Variants in SLC9A9 observed in about 807,000 individuals in gnomAD.
SLC9A9 encodes solute carrier family 9 member A9, also known as sodium/hydrogen exchanger 9.
A neutral mutation model predicts 77.8 loss-of-function variants in SLC9A9; 62 were observed. The ratio of observed to expected loss-of-function variants is 0.80; its 90% CI spans 0.65 to 0.98. SLC9A9 has a LOEUF of 0.98. Ranked by LOEUF, SLC9A9 falls within the 50% of genes least tolerant of loss-of-function variation. SLC9A9 has a pLI of 0.00. For synonymous variants in SLC9A9, 320 were observed against 283.5 expected (o/e 1.13, Z -1.29); for missense variants, 775 against 774.9 (o/e 1.00, Z 0.00).
chr3:143,465,312 G>A (rs1355331585), intron 12 of SLC9A9, among the ~76,000 whole-genome samples: 1 of 152,174 alleles, frequency 6.6e-6, no homozygotes, highest in Admixed American at 6.5e-5. Flanking sequence ...CCTGTTTAAA[G>A]CCCCACTATA....
chr3:143,276,373 G>T (rs1938049523), intron 14 of SLC9A9, among the ~76,000 whole-genome samples: 1 of 152,156 alleles, frequency 6.6e-6, no homozygotes, highest in South Asian at 2.1e-4. Flanking sequence ...TTGGTGGTTT[G>T]TCTCTGCCCA....
intron 8 of SLC9A9, among the ~76,000 whole-genome samples, chr3:143,568,497 G>T (rs777677646): frequency 9.2e-5 from 14 of 152,032 alleles, no homozygotes; most frequent in Non-Finnish European, 2.1e-4. Flanking sequence ...CTTAATAATT[G>T]GGAAAATAAG....
intron 12 of SLC9A9, among the ~76,000 whole-genome samples, chr3:143,395,413 G>A (rs2033701543): frequency 6.6e-6 from 1 of 152,156 alleles, no homozygotes; most frequent in Non-Finnish European, 1.5e-5. Context: ...AACTGAAACT[G>A]GATCCCTTCC....
At position 143,495,415 on chromosome 3, in the gene SLC9A9, C is replaced by T. The variant is rs150315013; in HGVS notation, c.1123G>A (p.Val375Ile). 2.1e-5 allele frequency: 34 copies of T among 1,613,892 alleles called. No individual in the cohort carries two copies. Among genetic ancestry groups the T allele is most frequent in the African/African-American group, 1.1e-4 (8 of 74,924 alleles). The change falls in exon 10 of 16, where the codon GTC becomes ATC. Residue 375 changes from valine (V) to isoleucine (I), a missense_variant. Val to Ile is a conservative substitution (Grantham distance 29, BLOSUM62 3). Coordinates refer to ENST00000316549, the MANE Select transcript of SLC9A9 (RefSeq NM_173653.4). ...FEFMNFLAEN[V>I]IFCYMGLALF... ...GCCAGGCCCATGTAACAGAAGATGACGTTCTCCGCCAAAAAGTTCATAAAT... is the reference window on the plus strand; with the variant it reads ...GCCAGGCCCATGTAACAGAAGATGATGTTCTCCGCCAAAAAGTTCATAAAT...
At chr3:143,810,820 A>G (rs2108871626) in intron 2 of SLC9A9, among the ~76,000 whole-genome samples, 2 of 152,340 alleles carry the variant, frequency 1.3e-5, no homozygotes, top group South Asian at 4.1e-4. Context: ...ACTTGAAGAT[A>G]TATTATAGAG....
intron 4 of SLC9A9, among the ~76,000 whole-genome samples, chr3:143,738,018 T>C (rs1934986456): frequency 6.6e-6 from 1 of 152,262 alleles, no homozygotes; most frequent in African/African-American, 2.4e-5. Context: ...TTTTATTCCA[T>C]GCTTTTTGGT....
At chr3:143,357,189 A>C (rs2032617101) in intron 14 of SLC9A9, among the ~76,000 whole-genome samples, 2 of 151,982 alleles carry the variant, frequency 1.3e-5, no homozygotes, top group Admixed American at 1.3e-4. Flanking sequence ...TTATCTTTAC[A>C]TTTTGCAAGT....
At chr3:143,624,796 T>C (rs1361935460) in intron 6 of SLC9A9, among the ~76,000 whole-genome samples, 1 of 152,104 alleles carries the variant, frequency 6.6e-6, no homozygotes, top group Non-Finnish European at 1.5e-5. Flanking sequence ...AAATAAAGGG[T>C]ATTCAATTAG....
At chr3:143,466,049 T>G (rs1255217319) in intron 12 of SLC9A9, among the ~76,000 whole-genome samples, 1 of 152,230 alleles carries the variant, frequency 6.6e-6, no homozygotes, top group Non-Finnish European at 1.5e-5. Flanking sequence ...TTGTATTCAT[T>G]TAACTTTTCA....
intron 4 of SLC9A9, among the ~76,000 whole-genome samples, chr3:143,696,815 A>C (rs6787434): frequency 6.6e-6 from 1 of 151,936 alleles, no homozygotes; most frequent in African/African-American, 2.4e-5. Flanking sequence ...ATATACTACC[A>C]AGGTATGGCA....
intron 2 of SLC9A9, among the ~76,000 whole-genome samples, chr3:143,823,136 G>T (rs766387263): frequency 1.3e-5 from 2 of 152,180 alleles, no homozygotes; most frequent in African/African-American, 2.4e-5. Flanking sequence ...GATCCACAGA[G>T]AATTCACCAT....
chr3:143,349,992 A>C (rs1467709881), intron 14 of SLC9A9, among the ~76,000 whole-genome samples: 1 of 152,178 alleles, frequency 6.6e-6, no homozygotes, highest in Non-Finnish European at 1.5e-5. Context: ...CTGGCTCAGT[A>C]GGTAAATGGA....
intron 10 of SLC9A9, among the ~76,000 whole-genome samples, chr3:143,494,199 A>G (rs1167886074): frequency 1.3e-5 from 2 of 152,196 alleles, no homozygotes; most frequent in African/African-American, 4.8e-5. Flanking sequence ...TATATTTCCT[A>G]TATCTAGCAA....
intron 6 of SLC9A9, among the ~76,000 whole-genome samples, chr3:143,609,563 A>G (rs1336801606): frequency 6.6e-6 from 1 of 152,222 alleles, no homozygotes; most frequent in African/African-American, 2.4e-5. Flanking sequence ...GAGAGTATAA[A>G]GTGAAAAGTG....
intron 12 of SLC9A9, 59 bp from the exon 13 acceptor site, chr3:143,382,173 T>G: frequency 6.3e-7 from 1 of 1,576,068 alleles, no homozygotes; most frequent in Non-Finnish European, 8.7e-7. Flanking sequence ...GAGACAGTCT[T>G]GTGTGTCAGA....
chr3:143,483,912 C>T (rs1559935351), intron 11 of SLC9A9, among the ~76,000 whole-genome samples: 1 of 147,520 alleles, frequency 6.8e-6, no homozygotes, highest in Non-Finnish European at 1.5e-5. Context: ...GCAGGGCCCT[C>T]ATCTTTGTCT....
At chr3:143,434,611 C>T (rs557431164) in intron 12 of SLC9A9, among the ~76,000 whole-genome samples, 38 of 152,246 alleles carry the variant, frequency 2.5e-4, no homozygotes, top group African/African-American at 1.2e-4. Flanking sequence ...CTCCAGAATA[C>T]GCCTATGCTG....
chr3:143,395,718 C>A (rs2033712194), intron 12 of SLC9A9, among the ~76,000 whole-genome samples: 1 of 152,150 alleles, frequency 6.6e-6, no homozygotes, highest in African/African-American at 2.4e-5. Flanking sequence ...GGGCTAATAT[C>A]CAGAATCTAC....
chr3:143,476,320 C>A (rs1201350134), intron 11 of SLC9A9, among the ~76,000 whole-genome samples: 1 of 152,210 alleles, frequency 6.6e-6, no homozygotes, highest in African/African-American at 2.4e-5. Context: ...GTAGAGCTTT[C>A]CCTCGTCTCT....
Sources: gnomAD v4.1 joint callset for allele counts (sites outside exome capture counted in the v4.1 genomes callset) on GRCh38, gnomAD v4.1.1 for gene constraint, MANE v1.5 for transcripts, NCBI Gene and HGNC (gene_info 2026-07-23, HGNC 2026-07-21) for gene names.